The following HEXB variants were observed in gnomAD, a reference collection of about 807,000 sequenced individuals.
The protein encoded by HEXB is beta-hexosaminidase subunit beta.
HEXB carries 51 observed loss-of-function variants against 71.2 expected under a neutral mutation model. That is an observed-to-expected ratio of 0.72 (90% confidence interval 0.57 to 0.90). HEXB has a LOEUF of 0.90. Ranked by LOEUF, HEXB falls within the 40% of genes least tolerant of loss-of-function variation. HEXB has a pLI of 0.00. For synonymous variants in HEXB, 266 were observed against 249.3 expected (o/e 1.07, Z -0.63); for missense variants, 617 against 677.0 (o/e 0.91, Z 0.98).
rs1052227715 is a variant in HEXB at position 74,718,422 on chromosome 5, G to T, written c.1242+59G>T. 2.3e-6 allele frequency: 3 copies of T among 1,285,702 alleles called. No individual in the cohort carries two copies. In the African/African-American group the frequency reaches 4.4e-5, roughly 19 times the overall value. 79.6% of individuals were successfully genotyped at this position (1,285,702 alleles called of 1,614,324 possible). ...AAGAGACTTAATTATTTTTCTTGGGGCAACTGGGAATTTGCAAGTCTAACT... is the reference window on the plus strand; with the variant it reads ...AAGAGACTTAATTATTTTTCTTGGGTCAACTGGGAATTTGCAAGTCTAACT... On this transcript the variant is annotated intron_variant, in intron 10 of 13. Coordinates refer to ENST00000261416, the MANE Select transcript of HEXB (RefSeq NM_000521.4).
At chr5:74,669,543 G>A (rs1232169927) in intron 1 of HEXB, among the ~76,000 whole-genome samples, 1 of 152,030 alleles carries the variant, frequency 6.6e-6, no homozygotes. Context: ...CTTTCTCCCT[G>A]ATCTGTCATG....
chr5:74,674,326 A>G (rs1042968857), intron 1 of HEXB, among the ~76,000 whole-genome samples: 3 of 152,080 alleles, frequency 2.0e-5, no homozygotes, highest in Non-Finnish European at 4.4e-5. Flanking sequence ...GTTTTCAGCC[A>G]GGCGTGGTGG....
intron 1 of HEXB, among the ~76,000 whole-genome samples, chr5:74,675,215 G>C (rs1748609562): frequency 6.6e-6 from 1 of 152,198 alleles, no homozygotes; most frequent in Non-Finnish European, 1.5e-5. Flanking sequence ...AGGCAGGCCA[G>C]GGTGATCAGA....
intron 1 of HEXB, among the ~76,000 whole-genome samples, chr5:74,669,864 A>T (rs538663513): frequency 2.0e-5 from 3 of 152,312 alleles, no homozygotes; most frequent in Admixed American, 6.5e-5. Context: ...GAGAAAAAGA[A>T]CTAGAAGGTA....
intron 1 of HEXB, among the ~76,000 whole-genome samples, chr5:74,672,131 C>T (rs1023997816): frequency 6.6e-6 from 1 of 152,196 alleles, no homozygotes; most frequent in Non-Finnish European, 1.5e-5. Context: ...ACCCTGACCC[C>T]TCTCTAGCGT....
chr5:74,716,786 A>G (rs903227180), intron 9 of HEXB, 113 bp downstream of exon 9: 1 of 689,140 alleles, frequency 1.5e-6, no homozygotes, highest in Non-Finnish European at 2.5e-6. Flanking sequence ...GTAGATGTGA[A>G]AAATCACTAA....
intron 1 of HEXB, among the ~76,000 whole-genome samples, chr5:74,688,277 A>G (rs1748917281): frequency 6.6e-6 from 1 of 151,330 alleles, no homozygotes; most frequent in Non-Finnish European, 1.5e-5. Context: ...TACAATATTT[A>G]ATGCCTTTAC....
At chr5:74,676,594 T>C (rs1748634141) in intron 1 of HEXB, among the ~76,000 whole-genome samples, 1 of 152,116 alleles carries the variant, frequency 6.6e-6, no homozygotes, top group Non-Finnish European at 1.5e-5. Context: ...TGTGAAACCC[T>C]GACTGTAGTA....
intron 13 of HEXB, 136 bp from the exon 14 acceptor site, chr5:74,720,982 C>T (rs1749831323): frequency 2.3e-6 from 2 of 866,494 alleles, no homozygotes; most frequent in Non-Finnish European, 3.7e-6. Flanking sequence ...AATTTTCTTC[C>T]CTTATTTTCA....
At chr5:74,691,609 G>A (rs910861948) in intron 2 of HEXB, among the ~76,000 whole-genome samples, 3 of 152,292 alleles carry the variant, frequency 2.0e-5, no homozygotes, top group South Asian at 2.1e-4. Flanking sequence ...ATCAACACAC[G>A]TGCAGGAACA....
rs554473062 is a variant in HEXB, at chr5:74,673,535, A to G, written c.-376-15793A>G. On this transcript the variant is annotated intron_variant, in intron 1 of 13. Transcript: ENST00000511181. ...GGGATGCTGAAGTGGCTCACTAGGC[A>G]TCCATCCATCTCCCCTCCTCCCAGT... Among the ~76,000 whole-genome samples, 8 of 152,268 alleles carry G rather than the reference A, an allele frequency of 5.3e-5. No homozygotes were observed. In the South Asian group the frequency reaches 1.7e-3, roughly 32 times the overall value.
intron 2 of HEXB, 50 bp downstream of exon 2, chr5:74,689,523 G>A (rs747799892): frequency 2.3e-5 from 36 of 1,534,848 alleles, no homozygotes; most frequent in Non-Finnish European, 2.7e-5. Flanking sequence ...GCTCGCTGAC[G>A]GACTTAAGTG....
intron 7 of HEXB, among the ~76,000 whole-genome samples, chr5:74,713,957 C>T (rs1749614253): frequency 6.6e-6 from 1 of 152,252 alleles, no homozygotes; most frequent in Admixed American, 6.5e-5. Flanking sequence ...TCTCCTGCCT[C>T]AGCCTACTGA....
intron 5 of HEXB, among the ~76,000 whole-genome samples, 164 bp downstream of exon 5, chr5:74,697,270 C>T (rs1051293936): frequency 1.3e-5 from 2 of 152,198 alleles, no homozygotes; most frequent in Non-Finnish European, 1.5e-5. Flanking sequence ...TCAGCTGTGA[C>T]GTGGAGGTCC....
At chr5:74,657,622 T>C (rs1365424047) in intron 1 of HEXB, among the ~76,000 whole-genome samples, 1 of 152,228 alleles carries the variant, frequency 6.6e-6, no homozygotes, top group East Asian at 1.9e-4. Context: ...GCACAAAAAA[T>C]ATTTGTTAAA....
Position 74,685,542 on chromosome 5 carries a change from G to T in HEXB, c.282G>T (p.Leu94=). The T allele has an allele frequency of 6.4e-7, 1 of 1,567,270 alleles. No individual in the cohort carries two copies. Residue 94 remains leucine (L), a synonymous_variant, in exon 1 of 14, where the codon CTG becomes CTT. Transcript: ENST00000261416. ...CGGCGGGCCCCTCCTGCACCCTGCT[G>T]GAGGAAGCGTTTCGACGGTGAGCGC... ...NSTAGPSCTL[L]EEAFRRYHGY...
upstream of HEXB, among the ~76,000 whole-genome samples, chr5:74,684,931 C>A (rs1056526938): frequency 6.6e-6 from 1 of 152,200 alleles, no homozygotes; most frequent in African/African-American, 2.4e-5. Flanking sequence ...CCCGCCTCGG[C>A]CTCCCAAAGT....
At chr5:74,712,241 T>C (rs1045325013) in intron 6 of HEXB, among the ~76,000 whole-genome samples, 2 of 138,890 alleles carry the variant, frequency 1.4e-5, no homozygotes, top group African/African-American at 5.4e-5. Context: ...TGAGAACACA[T>C]GGACACAGGA....
At chr5:74,667,651 G>A (rs367749219) in intron 1 of HEXB, among the ~76,000 whole-genome samples, 2 of 152,162 alleles carry the variant, frequency 1.3e-5, no homozygotes, top group Non-Finnish European at 2.9e-5. Flanking sequence ...GCAAAGGCTC[G>A]GGCTGGGCTT....
Sources: allele counts gnomAD v4.1 joint callset (sites outside exome capture counted in the v4.1 genomes callset), GRCh38; gene constraint gnomAD v4.1.1; transcripts MANE v1.5; gene names NCBI Gene and HGNC (gene_info 2026-07-23, HGNC 2026-07-21).